DNAH7: variants seen among roughly 807,000 people sequenced by gnomAD.
The protein encoded by DNAH7 is axonemal beta dynein heavy chain 7.
A neutral mutation model predicts 444.6 loss-of-function variants in DNAH7; 397 were observed. The ratio of observed to expected loss-of-function variants is 0.89; its 90% CI spans 0.82 to 0.97. The LOEUF (loss-of-function observed/expected upper bound fraction) is 0.97, where lower values mean the gene tolerates loss of function less well. Ranked by LOEUF, DNAH7 falls within the 50% of genes least tolerant of loss-of-function variation. The pLI, the probability that DNAH7 is intolerant of heterozygous loss-of-function variation, is 0.00. For missense variants in DNAH7, 4,902 were observed against 4,800.8 expected, an observed-to-expected ratio of 1.02 and a Z score of -0.62; for synonymous variants, 1,636 against 1,624.4, an observed-to-expected ratio of 1.01 and a Z score of -0.17.
chr2:195,910,861 G>T (rs539713787), intron 24 of DNAH7, among the ~76,000 whole-genome samples: 2 of 152,256 alleles, frequency 1.3e-5, no homozygotes, highest in African/African-American at 4.8e-5. Flanking sequence ...CCTTCATGCG[G>T]GGCCTGATGA....
rs1689078762 is a variant in DNAH7 at position 195,936,723 on chromosome 2, A to G, written c.3148T>C (p.Leu1050=). The G allele has an allele frequency of 1.2e-6, 2 of 1,602,320 alleles. No homozygotes were observed. Among genetic ancestry groups the G allele is most frequent in the East Asian group, 4.5e-5 (2 of 44,462 alleles). The change falls in exon 20 of 65, where the codon TTG becomes CTG. Residue 1050 remains leucine (L), a synonymous_variant. Transcript: ENST00000312428. ...TTAAGTCCTTTAAGAATGAGCTCCA[A>G]AAGTTCATTAGATTTTTTCAGCCTT... ...LERLKKSNEL[L]ELILKGLNEY...
At position 195,864,706 on chromosome 2, in the gene DNAH7, G is replaced by T. The variant is rs115474479; in HGVS notation, c.6949C>A (p.Arg2317=). The T allele has an allele frequency of 6.2e-7, 1 of 1,614,012 alleles. No individual in the cohort carries two copies. The highest frequency in any genetic ancestry group is 1.3e-5 in the African/African-American group (1 of 74,896). The change falls in exon 41 of 65, where the codon CGA becomes AGA. Residue 2317 remains arginine (R), a synonymous_variant. Coordinates refer to ENST00000312428, the MANE Select transcript of DNAH7 (RefSeq NM_018897.3). ...CTGCTGATGTGCTCTATGGCAAATC[G>T]AAACAAGACAAGGTTCATGGGTTTT... The part of the protein sequence containing the change: ...SKKPMNLVLF[R]FAIEHISRIS...
intron 10 of DNAH7, among the ~76,000 whole-genome samples, chr2:196,008,279 A>G (rs948138331): frequency 6.6e-6 from 1 of 152,018 alleles, no homozygotes; most frequent in Non-Finnish European, 1.5e-5. Flanking sequence ...AAAGATGGAC[A>G]ATAACAAGTG....
At chr2:196,036,315 T>C (rs1323952040) in intron 5 of DNAH7, among the ~76,000 whole-genome samples, 1 of 152,128 alleles carries the variant, frequency 6.6e-6, no homozygotes, top group African/African-American at 2.4e-5. Context: ...ATTACAGGCA[T>C]GAGCAACTGT....
At chr2:195,896,054 T>C (rs1702289027) in intron 29 of DNAH7, among the ~76,000 whole-genome samples, 1 of 152,254 alleles carries the variant, frequency 6.6e-6, no homozygotes, top group African/African-American at 2.4e-5. Context: ...AATGCTTTCA[T>C]TTCCCTTGGG....
rs377496227 is a variant in DNAH7 at position 195,889,029 on chromosome 2, T to C, written c.5047-48A>G. On this transcript the variant is annotated intron_variant, in intron 31 of 64. Coordinates refer to ENST00000312428, the MANE Select transcript of DNAH7 (RefSeq NM_018897.3). ...GAGGGCAAAAACGTAATGATGATAA[T>C]ATAAAGAAACAGTTCAATAATATTA... 81 of 1,504,172 alleles carry C rather than the reference T, an allele frequency of 5.4e-5. No individual in the cohort carries two copies. In the African/African-American group the frequency reaches 1.1e-3, roughly 20 times the overall value. 93.2% of individuals were successfully genotyped at this position (1,504,172 alleles called of 1,614,324 possible). A position where few individuals can be genotyped will look rare whatever the true frequency, so the allele number is the denominator to read the frequency against.
intron 58 of DNAH7, among the ~76,000 whole-genome samples, chr2:195,780,169 C>A (rs1695304758): frequency 6.6e-6 from 1 of 151,986 alleles, no homozygotes; most frequent in Non-Finnish European, 1.5e-5. Flanking sequence ...AGAGTATTAT[C>A]ATTTAGGAAA....
Position 195,834,370 on chromosome 2 carries a change from A to T in DNAH7, c.8946-10T>A. Reference sequence around the variant, plus strand: ...CCACCTTCTTGCATTCCTGAAAAGGAGGAGAAAGACGATGCTGGTCAAGCC... The same window carrying T: ...CCACCTTCTTGCATTCCTGAAAAGGTGGAGAAAGACGATGCTGGTCAAGCC... On this transcript the variant is annotated splice_polypyrimidine_tract_variant and intron_variant, in intron 47 of 64. Coordinates refer to ENST00000312428, the MANE Select transcript of DNAH7 (RefSeq NM_018897.3). 6.3e-7 allele frequency: 1 copy of T among 1,583,976 alleles called. No individual in the cohort carries two copies. Among genetic ancestry groups the T allele is most frequent in the Middle Eastern group, 1.7e-4 (1 of 5,958 alleles).
rs769826085 is a variant in DNAH7, at chr2:195,876,608, A to G, written c.6053T>C (p.Ile2018Thr). The G allele has an allele frequency of 1.9e-5, 30 of 1,613,726 alleles. No homozygotes were observed. The highest frequency in any genetic ancestry group is 6.7e-5 in the African/African-American group (5 of 74,904). The change falls in exon 37 of 65, where the codon ATT becomes ACT. Residue 2018 changes from isoleucine (I) to threonine (T), a missense_variant. Physicochemically the swap from Ile to Thr is moderately conservative, Grantham distance 89. Transcript: ENST00000312428. ...AQTTAAQTQNIVMSKLDKRRK... is the reference protein window; with the variant it reads ...AQTTAAQTQNTVMSKLDKRRK... The stretch of plus-strand genomic sequence containing the variant: ...TCTCTTGTCCAATTTTGACATGACA[A>G]TATTCTGAGTTTGAGCTGCTGTAGT...
At chr2:195,960,984 A>G in intron 17 of DNAH7, 39 bp from the exon 18 acceptor site, 1 of 1,421,062 alleles carries the variant, frequency 7.0e-7, no homozygotes, top group African/African-American at 1.4e-5. Context: ...TTATTTTGAA[A>G]GTGAATGATA....
rs1695236910 is a variant in DNAH7, at chr2:196,019,450, GATC to G, written c.744-158_744-156del. On this transcript the variant is annotated intron_variant, in intron 8 of 64. Coordinates refer to ENST00000312428, the MANE Select transcript of DNAH7 (RefSeq NM_018897.3). ...GCAATTATGTTTTAAAATATATAAA[GATC>G]ATATGTTTTATGGTTTAGTATAATT... 2.6e-5 allele frequency among the ~76,000 whole-genome samples: 4 copies of G among 152,060 alleles called. No homozygotes were observed. The South Asian group carries it at 8.3e-4, about 32-fold the overall frequency.
intron 53 of DNAH7, among the ~76,000 whole-genome samples, chr2:195,807,917 A>C (rs1696786458): frequency 6.6e-6 from 1 of 152,118 alleles, no homozygotes; most frequent in South Asian, 2.1e-4. Context: ...GTGAAGACAT[A>C]ATCTCATTCT....
rs1466363210 is a variant in DNAH7, at chr2:195,799,407, G to A, written c.10242C>T (p.Pro3414=). ...RLGRAFIEPP[P]FDLAKAFGDS... is the part of the protein sequence containing the mutation. The stretch of plus-strand genomic sequence containing the variant: ...CTCCAAATGCCTTGGCTAAATCAAA[G>A]GGGGGTGGTTCAATGAATGCACGTC... Residue 3414 remains proline (P), a synonymous_variant, in exon 55 of 65, where the codon CCC becomes CCT. Transcript: ENST00000312428. The A allele has an allele frequency of 9.3e-6, 15 of 1,609,712 alleles. No homozygotes were observed. The highest frequency in any genetic ancestry group is 1.1e-5 in the Non-Finnish European group (13 of 1,177,922).
chr2:196,013,734 T>G (rs1043678247), intron 9 of DNAH7, among the ~76,000 whole-genome samples: 1 of 152,240 alleles, frequency 6.6e-6, no homozygotes, highest in Non-Finnish European at 1.5e-5. Context: ...CAATGTGTTA[T>G]TCTGCATAAT....
rs777293239 is a variant in DNAH7, at chr2:195,771,877, C to T, written c.11216G>A (p.Gly3739Asp). ...NILLTQSRSA[G>D]AGAKSSDEVV... ...TTCATCTGATGATTTTGCACCAGCA[C>T]CTGCTGAACGAGACTATGAAGAATC... is the stretch of plus-strand genomic sequence containing the variant. The change falls in exon 61 of 65, where the codon GGT (glycine) becomes GAT (aspartate). Residue 3739 changes from glycine (G) to aspartate (D), a missense_variant. Gly to Asp is a moderately conservative substitution (Grantham distance 94). Coordinates refer to ENST00000312428, the MANE Select transcript of DNAH7 (RefSeq NM_018897.3). The T allele has an allele frequency of 6.2e-7, 1 of 1,614,128 alleles. No individual in the cohort carries two copies. The highest frequency in any genetic ancestry group is 1.3e-5 in the African/African-American group (1 of 75,040).
chr2:195,895,165 C>A lies in DNAH7; in HGVS notation c.4707G>T (p.Leu1569Phe). The A allele has an allele frequency of 6.2e-7, 1 of 1,612,694 alleles. No homozygotes were observed. The highest frequency in any genetic ancestry group is 1.3e-5 in the African/African-American group (1 of 74,978). The change falls in exon 30 of 65, where the codon TTG becomes TTT. Residue 1569 changes from leucine (L) to phenylalanine (F), a missense_variant. Leu to Phe is a conservative substitution (Grantham distance 22, BLOSUM62 0). Transcript: ENST00000312428. ...CACAATTGTCTTTGATAGCTGCCAG[C>A]AAATCATTGTAATCTGGTTTTGGTA... is the stretch of plus-strand genomic sequence containing the variant. Reference protein sequence around the residue: ...VKLPKPDYNDLLAAIKDNCAS... With the variant: ...VKLPKPDYNDFLAAIKDNCAS...
intron 21 of DNAH7, among the ~76,000 whole-genome samples, chr2:195,929,464 T>C (rs767128488): frequency 3.3e-5 from 5 of 152,136 alleles, no homozygotes; most frequent in Non-Finnish European, 4.4e-5. Flanking sequence ...ATTAGCCAAC[T>C]TCAAAGTATA....
At chr2:196,006,778 A>G (rs1694402673) in intron 10 of DNAH7, among the ~76,000 whole-genome samples, 2 of 152,124 alleles carry the variant, frequency 1.3e-5, no homozygotes, top group East Asian at 3.8e-4. Flanking sequence ...TGAAATTGAG[A>G]AGACCATTCC....
chr2:195,847,781 C>T (rs575469277), intron 46 of DNAH7, among the ~76,000 whole-genome samples: 22 of 152,090 alleles, frequency 1.4e-4, no homozygotes, highest in African/African-American at 4.6e-4. Flanking sequence ...CATTTTGAAC[C>T]AGTAGGAGAG....
Sources: allele counts gnomAD v4.1 joint callset (sites outside exome capture counted in the v4.1 genomes callset), GRCh38; gene constraint gnomAD v4.1.1; transcripts MANE v1.5; gene names NCBI Gene and HGNC (gene_info 2026-07-23, HGNC 2026-07-21).